The following FARS2 variants were observed in gnomAD, a reference collection of about 807,000 sequenced individuals.
The protein encoded by FARS2 is phenylalanyl-tRNA synthetase 2, mitochondrial.
FARS2 carries 40 observed loss-of-function variants against 46.4 expected under a neutral mutation model. The ratio of observed to expected loss-of-function variants is 0.86; its 90% CI spans 0.67 to 1.12. The LOEUF (loss-of-function observed/expected upper bound fraction) is 1.12. Ranked by LOEUF, FARS2 falls within the 50% of genes most tolerant of loss-of-function variation. The pLI, the probability that FARS2 is intolerant of heterozygous loss-of-function variation, is 0.00. For missense variants in FARS2, 513 were observed against 567.9 expected, an observed-to-expected ratio of 0.90 and a Z score of 0.98; for synonymous variants, 234 against 214.9, an observed-to-expected ratio of 1.09 and a Z score of -0.78.
chr6:5,707,893 C>T (rs912043300), intron 6 of FARS2, among the ~76,000 whole-genome samples: 5 of 152,334 alleles, frequency 3.3e-5, no homozygotes, highest in East Asian at 1.9e-4. Context: ...GAACAAGCAG[C>T]GGGGTGCCGC....
chr6:5,494,434 G>A (rs377499395), intron 4 of FARS2, among the ~76,000 whole-genome samples: 1 of 152,102 alleles, frequency 6.6e-6, no homozygotes, highest in Non-Finnish European at 1.5e-5. Flanking sequence ...GCTTCTCAGC[G>A]GGCTTTGAAA....
At chr6:5,702,728 A>T (rs920973981) in intron 6 of FARS2, among the ~76,000 whole-genome samples, 3 of 152,234 alleles carry the variant, frequency 2.0e-5, no homozygotes, top group African/African-American at 7.2e-5. Context: ...AATAATACTC[A>T]TCCAAGGATT....
intron 6 of FARS2, among the ~76,000 whole-genome samples, chr6:5,644,854 G>A (rs987910923): frequency 3.9e-5 from 6 of 152,200 alleles, no homozygotes; most frequent in Non-Finnish European, 5.9e-5. Flanking sequence ...ACTAGAATGA[G>A]TGGCAGGCTT....
chr6:5,709,747 C>A lies in FARS2; in HGVS notation c.1218-61544C>A, dbSNP rs112540529. On this transcript the variant is annotated intron_variant, in intron 6 of 6. Transcript: ENST00000274680. The stretch of plus-strand genomic sequence containing the variant: ...GGGTGGGGTTGTGTGTGTGTGTGTG[C>A]GCGCGCGCGTGTGTGTGTGTGAGAT... 2.8e-5 allele frequency among the ~76,000 whole-genome samples: 4 copies of A among 143,780 alleles called. No individual in the cohort carries two copies. The South Asian group carries it at 8.8e-4, about 32-fold the overall frequency. 94.3% of individuals were successfully genotyped at this position (143,780 alleles called of 152,430 possible). A position where few individuals can be genotyped will look rare whatever the true frequency, so the allele number is the denominator to read the frequency against.
intron 6 of FARS2, among the ~76,000 whole-genome samples, chr6:5,728,755 G>A (rs940656080): frequency 6.6e-6 from 1 of 152,138 alleles, no homozygotes; most frequent in Non-Finnish European, 1.5e-5. Context: ...TCCCGCGGTC[G>A]GGTTTCTTCA....
chr6:5,467,277 G>A (rs1434988146), intron 4 of FARS2, among the ~76,000 whole-genome samples: 1 of 152,096 alleles, frequency 6.6e-6, no homozygotes, highest in Non-Finnish European at 1.5e-5. Context: ...GGCATTTTAA[G>A]GTTTCAGTAA....
chr6:5,385,695 A>C (rs1760084315), intron 2 of FARS2, among the ~76,000 whole-genome samples: 1 of 152,102 alleles, frequency 6.6e-6, no homozygotes, highest in Non-Finnish European at 1.5e-5. Context: ...AAGTGCTGGG[A>C]TTACAGGTGT....
intron 6 of FARS2, among the ~76,000 whole-genome samples, chr6:5,622,271 A>G (rs1582608863): frequency 1.3e-5 from 2 of 152,170 alleles, no homozygotes; most frequent in African/African-American, 2.4e-5. Context: ...TCTTTCTCCG[A>G]CCTGCCACCG....
intron 5 of FARS2, among the ~76,000 whole-genome samples, chr6:5,596,472 A>G (rs1349935517): frequency 1.3e-5 from 2 of 152,206 alleles, no homozygotes; most frequent in Non-Finnish European, 2.9e-5. Context: ...AGACATCCCT[A>G]AATTTGGTTT....
At chr6:5,288,009 C>T (rs988245890) in intron 1 of FARS2, among the ~76,000 whole-genome samples, 1 of 152,216 alleles carries the variant, frequency 6.6e-6, no homozygotes, top group Non-Finnish European at 1.5e-5. Flanking sequence ...CCTCTCCCTT[C>T]TGTCATCTTC....
intron 2 of FARS2, among the ~76,000 whole-genome samples, chr6:5,384,857 G>T (rs1205599301): frequency 1.3e-5 from 2 of 150,912 alleles, no homozygotes; most frequent in African/African-American, 4.9e-5. Flanking sequence ...AATACTGACT[G>T]TTTCACATCT....
chr6:5,405,894 T>C (rs150392842), intron 3 of FARS2, among the ~76,000 whole-genome samples: 148 of 152,320 alleles, frequency 9.7e-4, no homozygotes, highest in African/African-American at 3.2e-3. Flanking sequence ...CAGTATATTA[T>C]ATCAACAGCA....
chr6:5,754,662 G>T (rs1203824390), intron 6 of FARS2, among the ~76,000 whole-genome samples: 1 of 152,076 alleles, frequency 6.6e-6, no homozygotes. Context: ...TTTTTATTTT[G>T]CCAGTGTTCT....
chr6:5,639,640 C>T (rs542666335), intron 6 of FARS2, among the ~76,000 whole-genome samples: 51 of 152,358 alleles, frequency 3.3e-4, no homozygotes, highest in Admixed American at 2.9e-3. Context: ...CTACCTTCCT[C>T]TCTTCTTCTA....
At chr6:5,413,579 T>C (rs1762059163) in intron 3 of FARS2, among the ~76,000 whole-genome samples, 1 of 152,214 alleles carries the variant, frequency 6.6e-6, no homozygotes, top group African/African-American at 2.4e-5. Flanking sequence ...TTCTGGCCTG[T>C]CTTCTAGCTC....
At chr6:5,292,630 G>C (rs1767584928) in intron 1 of FARS2, among the ~76,000 whole-genome samples, 1 of 152,184 alleles carries the variant, frequency 6.6e-6, no homozygotes, top group African/African-American at 2.4e-5. Flanking sequence ...ATTAGATTTG[G>C]TTGTGTTGAG....
At chr6:5,757,477 C>T (rs996901470) in intron 6 of FARS2, among the ~76,000 whole-genome samples, 2 of 152,160 alleles carry the variant, frequency 1.3e-5, no homozygotes, top group African/African-American at 2.4e-5. Context: ...GCCCTTGAAC[C>T]CAACCCAACC....
At chr6:5,616,029 A>AC (rs1561754539) in intron 6 of FARS2, among the ~76,000 whole-genome samples, 21 of 151,156 alleles carry the variant, frequency 1.4e-4, no homozygotes, top group Non-Finnish European at 1.5e-5. Flanking sequence ...AAAAAAAAAA[A>AC]AAAAAACAAC....
rs147245999 is a variant in FARS2, at chr6:5,512,740, GCATT to G, written c.905-32434_905-32431del. Among the ~76,000 whole-genome samples, 561 of 152,174 alleles carry G rather than the reference GCATT, an allele frequency of 3.7e-3. 4 individuals are homozygous for G. The highest frequency in any genetic ancestry group is 0.013 in the African/African-American group (532 of 41,526). On this transcript the variant is annotated intron_variant, in intron 4 of 6. Transcript: ENST00000274680. ...AATGTAAAAACACAAACACTTTCAT[GCATT>G]CATTCTTTTCAGCAAAAAATATGTA...
Sources: gnomAD v4.1 joint callset for allele counts (sites outside exome capture counted in the v4.1 genomes callset) on GRCh38, gnomAD v4.1.1 for gene constraint, MANE v1.5 for transcripts, NCBI Gene and HGNC (gene_info 2026-07-23, HGNC 2026-07-21) for gene names.